FHIT: variants seen among roughly 807,000 people sequenced by gnomAD.
The protein encoded by FHIT is bis(5'-adenosyl)-triphosphatase.
A neutral mutation model predicts 17.9 loss-of-function variants in FHIT; 19 were observed. The observed-to-expected ratio is 1.06, with a 90% CI of 0.74 to 1.56. FHIT has a LOEUF of 1.56. Among genes scored for constraint, FHIT ranks in the 40% most tolerant of loss-of-function variants. The pLI, the probability that FHIT is intolerant of heterozygous loss-of-function variation, is 0.00. For missense variants in FHIT, 248 were observed against 189.2 expected (o/e 1.31, Z -1.82); for synonymous variants, 81 against 69.7 (o/e 1.16, Z -0.81).
intron 8 of FHIT, among the ~76,000 whole-genome samples, chr3:59,766,123 T>C (rs1701784895): frequency 6.6e-6 from 1 of 152,196 alleles, no homozygotes; most frequent in Non-Finnish European, 1.5e-5. Flanking sequence ...ACTATCATAC[T>C]GTTAGATGTG....
In FHIT at chr3:59,749,264, G is replaced by C. The variant is rs1291182790; in HGVS notation, c.*321C>G. 8.7e-6 allele frequency: 2 copies of C among 230,856 alleles called. No individual in the cohort carries two copies. The highest frequency in any genetic ancestry group is 1.7e-5 in the Non-Finnish European group (2 of 116,620). 14.3% of individuals were successfully genotyped at this position (230,856 alleles called of 1,614,324 possible). On this transcript the variant is annotated 3_prime_UTR_variant, in exon 10 of 10. Coordinates refer to ENST00000492590, the MANE Select transcript of FHIT (RefSeq NM_002012.4). ...TAAAAAAGTAACTGTAACTGTAATA[G>C]GTTTGTTGCCTAATTCATGGCAAGT...
intron 7 of FHIT, among the ~76,000 whole-genome samples, chr3:59,990,771 A>T (rs1474711628): frequency 3.3e-5 from 5 of 152,080 alleles, no homozygotes; most frequent in Non-Finnish European, 7.4e-5. Flanking sequence ...AAGTGGTTTA[A>T]CAAATGACAC....
At chr3:60,032,770 G>A (rs766548317) in intron 5 of FHIT, among the ~76,000 whole-genome samples, 4 of 149,322 alleles carry the variant, frequency 2.7e-5, no homozygotes, top group South Asian at 2.1e-4. Flanking sequence ...AACTTTTTGC[G>A]ATTGTTTACA....
At position 60,432,917 on chromosome 3, in the gene FHIT, CTT is replaced by C. The variant is rs5849363; in HGVS notation, c.103+103941_103+103942del. The stretch of plus-strand genomic sequence containing the variant: ...TCAAAACATTTGCTAGAAGAATTGT[CTT>C]TTTTTTTTTTACTGTGATAACACTT... On this transcript the variant is annotated intron_variant, in intron 5 of 9. Coordinates refer to ENST00000492590, the MANE Select transcript of FHIT (RefSeq NM_002012.4). Among the ~76,000 whole-genome samples the C allele has an allele frequency of 4.2e-4, 63 of 148,858 alleles. No individual in the cohort carries two copies. The Middle Eastern group carries it at 0.01, about 24-fold the overall frequency.
intron 4 of FHIT, among the ~76,000 whole-genome samples, chr3:60,775,103 T>G (rs1700175694): frequency 6.6e-6 from 1 of 152,208 alleles, no homozygotes; most frequent in Admixed American, 6.5e-5. Flanking sequence ...ATATTAGTTT[T>G]TTAAAAAAAC....
intron 3 of FHIT, among the ~76,000 whole-genome samples, chr3:61,031,021 G>T (rs1341939264): frequency 6.6e-6 from 1 of 152,184 alleles, no homozygotes; most frequent in Non-Finnish European, 1.5e-5. Flanking sequence ...GCACTTACAT[G>T]AAACGAAATA....
chr3:60,822,169 A>G (rs573366925), intron 3 of FHIT, among the ~76,000 whole-genome samples, 158 bp from the exon 4 acceptor site: 3 of 152,302 alleles, frequency 2.0e-5, no homozygotes, highest in East Asian at 3.9e-4. Context: ...TTTTGCAGGC[A>G]TTGTCATTAA....
chr3:60,426,998 T>C (rs1382554599), intron 5 of FHIT, among the ~76,000 whole-genome samples: 2 of 152,106 alleles, frequency 1.3e-5, no homozygotes, highest in Non-Finnish European at 2.9e-5. Context: ...AGGGGATTTC[T>C]CGGATGTAAT....
intron 5 of FHIT, among the ~76,000 whole-genome samples, chr3:60,512,123 G>C (rs1301914436): frequency 6.6e-6 from 1 of 152,128 alleles, no homozygotes; most frequent in Non-Finnish European, 1.5e-5. Flanking sequence ...ACCAACAAAT[G>C]CTAAAACAAA....
At chr3:60,148,113 C>T (rs1002039969) in intron 5 of FHIT, among the ~76,000 whole-genome samples, 3 of 152,100 alleles carry the variant, frequency 2.0e-5, no homozygotes, top group African/African-American at 7.2e-5. Context: ...ATATTTACTG[C>T]CCATGAAGAG....
chr3:60,279,277 T>G (rs2107643202), intron 5 of FHIT, among the ~76,000 whole-genome samples: 1 of 152,190 alleles, frequency 6.6e-6, no homozygotes, highest in Non-Finnish European at 1.5e-5. Context: ...ATCTCAAATT[T>G]GATAACTTAG....
intron 5 of FHIT, among the ~76,000 whole-genome samples, chr3:60,100,704 G>C (rs192629414): frequency 1.3e-5 from 2 of 152,114 alleles, no homozygotes; most frequent in African/African-American, 4.8e-5. Context: ...TAAAACCAGA[G>C]TGAATTTATT....
chr3:60,541,125 G>A (rs1405845348), intron 4 of FHIT, among the ~76,000 whole-genome samples: 1 of 152,138 alleles, frequency 6.6e-6, no homozygotes, highest in East Asian at 1.9e-4. Flanking sequence ...TGGCTGCCTA[G>A]CATATGCTTG....
At chr3:61,024,899 A>G (rs965532660) in intron 3 of FHIT, among the ~76,000 whole-genome samples, 1 of 151,702 alleles carries the variant, frequency 6.6e-6, no homozygotes, top group Non-Finnish European at 1.5e-5. Flanking sequence ...TTTTTTTCTG[A>G]GCACTAACCT....
chr3:60,177,275 A>C (rs900891560), intron 5 of FHIT, among the ~76,000 whole-genome samples: 1 of 152,076 alleles, frequency 6.6e-6, no homozygotes, highest in African/African-American at 2.4e-5. Flanking sequence ...TTAAAAAAAA[A>C]AAAAAGCTAG....
intron 4 of FHIT, among the ~76,000 whole-genome samples, chr3:60,661,602 A>G (rs1402056435): frequency 1.3e-5 from 2 of 152,118 alleles, no homozygotes; most frequent in Non-Finnish European, 2.9e-5. Context: ...TGGTAGTTTT[A>G]CTTTTAGTGC....
chr3:60,708,460 T>C (rs1259922215), intron 4 of FHIT, among the ~76,000 whole-genome samples: 1 of 152,214 alleles, frequency 6.6e-6, no homozygotes, highest in Non-Finnish European at 1.5e-5. Flanking sequence ...CCATGACATA[T>C]TTTTACCATC....
intron 5 of FHIT, among the ~76,000 whole-genome samples, chr3:60,178,135 G>C (rs900603790): frequency 6.6e-6 from 1 of 152,188 alleles, no homozygotes; most frequent in African/African-American, 2.4e-5. Context: ...GAAGAACTGA[G>C]GAGGATAGCT....
intron 5 of FHIT, among the ~76,000 whole-genome samples, chr3:60,358,238 T>C (rs1332548134): frequency 6.6e-6 from 1 of 152,206 alleles, no homozygotes; most frequent in African/African-American, 2.4e-5. Flanking sequence ...ATTAAAATAT[T>C]CTAAAGACAG....
Sources: gnomAD v4.1 joint callset for allele counts (sites outside exome capture counted in the v4.1 genomes callset) on GRCh38, gnomAD v4.1.1 for gene constraint, MANE v1.5 for transcripts, NCBI Gene and HGNC (gene_info 2026-07-23, HGNC 2026-07-21) for gene names.